Variants in AGBL1 observed in about 807,000 individuals in gnomAD.
AGBL1 encodes cytosolic carboxypeptidase 4.
In AGBL1, 130 loss-of-function variants were observed where a neutral mutation model predicts 118.9. That is an observed-to-expected ratio of 1.09 (90% CI 0.95 to 1.26). AGBL1 has a LOEUF of 1.26. AGBL1 is among the 50% of genes most tolerant of loss of function. AGBL1 has a pLI of 0.00. For missense variants in AGBL1, 1,584 were observed against 1,298.1 expected (o/e 1.22, Z -3.38); for synonymous variants, 555 against 478.9 (o/e 1.16, Z -2.08).
chr15:86,619,927 T>G (rs1385542844), intron 21 of AGBL1, among the ~76,000 whole-genome samples: 2 of 152,198 alleles, frequency 1.3e-5, no homozygotes, highest in African/African-American at 4.8e-5. Context: ...CTCCTGGATA[T>G]TCCTATAACA....
chr15:86,415,169 C>T (rs563249514), intron 18 of AGBL1, among the ~76,000 whole-genome samples: 1 of 152,258 alleles, frequency 6.6e-6, no homozygotes, highest in East Asian at 1.9e-4. Context: ...GTGGACTGAG[C>T]CTTTCCTTTG....
At chr15:86,211,363 C>T (rs2078094721) in intron 5 of AGBL1, among the ~76,000 whole-genome samples, 1 of 152,228 alleles carries the variant, frequency 6.6e-6, no homozygotes, top group Admixed American at 6.5e-5. Context: ...AACCACCGCT[C>T]TCTTCAGAGC....
chr15:86,246,178 C>T (rs2078717887), intron 6 of AGBL1, among the ~76,000 whole-genome samples: 1 of 152,236 alleles, frequency 6.6e-6, no homozygotes, highest in Non-Finnish European at 1.5e-5. Flanking sequence ...AGCCACCACG[C>T]CCGGCCTGTG....
chr15:86,681,596 C>T (rs2085958187), intron 22 of AGBL1, among the ~76,000 whole-genome samples: 1 of 152,158 alleles, frequency 6.6e-6, no homozygotes, highest in Non-Finnish European at 1.5e-5. Context: ...AACTTCTTTT[C>T]CTCATTTTCT....
At chr15:86,386,509 G>A (rs1043898944) in intron 17 of AGBL1, among the ~76,000 whole-genome samples, 1 of 151,318 alleles carries the variant, frequency 6.6e-6, no homozygotes, top group Non-Finnish European at 1.5e-5. Flanking sequence ...AAATGAGATC[G>A]TGGTATTTGG....
chr15:86,929,888 T>C (rs970529747), intron 23 of AGBL1, among the ~76,000 whole-genome samples: 1 of 152,228 alleles, frequency 6.6e-6, no homozygotes, highest in African/African-American at 2.4e-5. Flanking sequence ...TAAACTAGAA[T>C]ATGCCACTTC....
At chr15:86,122,814 A>G (rs930551700) in intron 1 of AGBL1, among the ~76,000 whole-genome samples, 3 of 152,130 alleles carry the variant, frequency 2.0e-5, no homozygotes, top group African/African-American at 7.2e-5. Flanking sequence ...GGGAAGTGGG[A>G]GTTGAACATG....
At chr15:87,008,557 A>T (rs1250407584) in intron 24 of AGBL1, among the ~76,000 whole-genome samples, 1 of 152,182 alleles carries the variant, frequency 6.6e-6, no homozygotes, top group Admixed American at 6.5e-5. Context: ...AGAGTGGGGC[A>T]CTGCTGTAGA....
intron 14 of AGBL1, 96 bp downstream of exon 14, chr15:86,270,163 G>T: frequency 1.4e-6 from 2 of 1,464,160 alleles, no homozygotes; most frequent in Non-Finnish European, 1.8e-6. Flanking sequence ...GGGTTCAGAG[G>T]GTTTGAAGTT....
At chr15:86,740,260 C>A (rs2077658484) in intron 22 of AGBL1, among the ~76,000 whole-genome samples, 1 of 152,208 alleles carries the variant, frequency 6.6e-6, no homozygotes, top group African/African-American at 2.4e-5. Flanking sequence ...TTGCCCCAGA[C>A]CTTTCAGACA....
chr15:86,343,578 A>G (rs1315026792), intron 17 of AGBL1, among the ~76,000 whole-genome samples: 1 of 152,246 alleles, frequency 6.6e-6, no homozygotes, highest in Non-Finnish European at 1.5e-5. Context: ...AGTGGATTCA[A>G]TCCAAATAGC....
intron 19 of AGBL1, among the ~76,000 whole-genome samples, chr15:86,527,816 T>C (rs2346743): frequency 0.44 from 67,095 of 151,670 alleles, 15,794 homozygotes; most frequent in East Asian, 0.68. Context: ...CCTGAGAGCG[T>C]TGAGCATTGC....
intron 21 of AGBL1, among the ~76,000 whole-genome samples, chr15:86,651,008 C>T (rs2085360293): frequency 1.3e-5 from 2 of 152,314 alleles, no homozygotes; most frequent in South Asian, 2.1e-4. Flanking sequence ...AATTGGCTTT[C>T]ATCTGAGAAG....
intron 22 of AGBL1, among the ~76,000 whole-genome samples, chr15:86,840,813 T>C (rs1452458): frequency 0.29 from 43,633 of 152,000 alleles, 6,253 homozygotes; most frequent in East Asian, 0.39. Context: ...CTTCCTCTTT[T>C]CCTCCAACAT....
intron 18 of AGBL1, among the ~76,000 whole-genome samples, chr15:86,429,469 C>G (rs983531620): frequency 4.6e-5 from 7 of 152,232 alleles, no homozygotes; most frequent in African/African-American, 1.4e-4. Flanking sequence ...AATAGACTGT[C>G]AGCCATGCTA....
chr15:86,429,335 C>T (rs148107159), intron 18 of AGBL1, among the ~76,000 whole-genome samples: 51 of 152,302 alleles, frequency 3.3e-4, no homozygotes, highest in African/African-American at 1.0e-3. Context: ...CCTATTCTAC[C>T]GCATTGAGAC....
At position 86,667,859 on chromosome 15, in the gene AGBL1, A is replaced by G. The variant is rs540994373; in HGVS notation, c.2995-6414A>G. Reference sequence around the variant, plus strand: ...TGTTGTGTTAGTTTTGTATTGCTGTAAGGGAATACCTGAGAGTGAGTAATT... The same window carrying G: ...TGTTGTGTTAGTTTTGTATTGCTGTGAGGGAATACCTGAGAGTGAGTAATT... On this transcript the variant is annotated intron_variant, in intron 21 of 22. Coordinates refer to ENST00000614907, the MANE Select transcript of AGBL1 (RefSeq NM_001386094.1). 6.7e-3 allele frequency among the ~76,000 whole-genome samples: 1,019 copies of G among 152,312 alleles called. 7 individuals carry two copies. The highest frequency in any genetic ancestry group is 0.02 in the East Asian group (106 of 5,176).
chr15:86,409,429 G>A (rs997150941), intron 18 of AGBL1, among the ~76,000 whole-genome samples: 37 of 152,158 alleles, frequency 2.4e-4, no homozygotes, highest in Non-Finnish European at 4.3e-4. Flanking sequence ...TTCTGGGAGT[G>A]TGTTCCCAAG....
intron 22 of AGBL1, among the ~76,000 whole-genome samples, chr15:86,827,314 T>C (rs371616319): frequency 0.018 from 205 of 11,516 alleles, 18 homozygotes; most frequent in Middle Eastern, 0.038. Flanking sequence ...TATATATATA[T>C]ATACACACAC....
Sources: allele counts gnomAD v4.1 joint callset (sites outside exome capture counted in the v4.1 genomes callset), GRCh38; gene constraint gnomAD v4.1.1; transcripts MANE v1.5; gene names NCBI Gene and HGNC (gene_info 2026-07-23, HGNC 2026-07-21).